NTNG1: variants seen among roughly 807,000 people sequenced by gnomAD.
NTNG1 encodes netrin-G1.
NTNG1 carries 16 observed loss-of-function variants against 54.0 expected under a neutral mutation model. The ratio of observed to expected loss-of-function variants is 0.30; its 90% confidence interval spans 0.20 to 0.45. NTNG1 has a LOEUF of 0.45. NTNG1 is among the 20% of genes least tolerant of loss of function. NTNG1 has a pLI of 1.00. For missense variants in NTNG1, 530 were observed against 678.7 expected (o/e 0.78, Z 2.43); for synonymous variants, 255 against 263.1 (o/e 0.97, Z 0.30).
At chr1:107,427,356 G>A (rs1220009841) in intron 5 of NTNG1, among the ~76,000 whole-genome samples, 1 of 151,936 alleles carries the variant, frequency 6.6e-6, no homozygotes, top group Non-Finnish European at 1.5e-5. Flanking sequence ...GGAGGTCATG[G>A]GAGGTCAGTG....
chr1:107,445,977 G>A (rs1558005977), intron 7 of NTNG1, among the ~76,000 whole-genome samples: 1 of 152,056 alleles, frequency 6.6e-6, no homozygotes, highest in Admixed American at 6.6e-5. Flanking sequence ...CAGGAAGCAG[G>A]CTGGATTTGG....
At position 107,356,219 on chromosome 1, in the gene NTNG1, A is replaced by C. The variant is rs376284669; in HGVS notation, c.887+31297A>C. ...GAAATTTTAATCCGATGCTAAGATTAAAATGATATTGACCTAGAACATACC... is the reference window on the plus strand; with the variant it reads ...GAAATTTTAATCCGATGCTAAGATTCAAATGATATTGACCTAGAACATACC... On this transcript the variant is annotated intron_variant, in intron 3 of 7. Transcript: ENST00000370068. Among the ~76,000 whole-genome samples, 4 of 152,312 alleles carry C rather than the reference A, an allele frequency of 2.6e-5. No homozygotes were observed. The East Asian group carries it at 5.8e-4, about 22-fold the overall frequency.
rs564062072 is a variant in NTNG1, at chr1:107,464,552, G to T, written c.1391-16059G>T. Among the ~76,000 whole-genome samples the T allele has an allele frequency of 2.0e-4, 30 of 152,240 alleles. 1 individual carries two copies. The East Asian group carries it at 4.2e-3, about 22-fold the overall frequency. The stretch of plus-strand genomic sequence containing the variant: ...CAAAGACCTTTAGATTAACCAAGAG[G>T]CTTGCACGGAACAACAAGTGAAAAA... On this transcript the variant is annotated intron_variant, in intron 7 of 7. Coordinates refer to ENST00000370068, the MANE Select transcript of NTNG1 (RefSeq NM_001113226.3).
chr1:107,328,178 A>C (rs1038384960), intron 3 of NTNG1, among the ~76,000 whole-genome samples: 43 of 152,280 alleles, frequency 2.8e-4, no homozygotes, highest in Non-Finnish European at 2.8e-4. Flanking sequence ...TAGTACTTAC[A>C]TTGTTCAATA....
At chr1:107,288,276 A>G (rs1413240506) in intron 2 of NTNG1, among the ~76,000 whole-genome samples, 1 of 152,172 alleles carries the variant, frequency 6.6e-6, no homozygotes, top group Admixed American at 6.6e-5. Flanking sequence ...TTGGAAACAC[A>G]GTGAAATGAT....
intron 2 of NTNG1, among the ~76,000 whole-genome samples, chr1:107,165,123 G>A (rs1259978301): frequency 6.6e-6 from 1 of 152,082 alleles, no homozygotes; most frequent in Non-Finnish European, 1.5e-5. Context: ...AAGTGACCAG[G>A]GGTGACTCAG....
Position 107,304,932 on chromosome 1 carries a change from T to C in NTNG1, c.247-19350T>C, listed in dbSNP as rs138488326. On this transcript the variant is annotated intron_variant, in intron 2 of 7. Coordinates refer to ENST00000370068, the MANE Select transcript of NTNG1 (RefSeq NM_001113226.3). ...CCCTGGTGTATGATATTCCCCTCCC[T>C]GTGTCCATGTGTTCTCATTGTTCAG... Among the ~76,000 whole-genome samples, 681 of 152,296 alleles carry C rather than the reference T, an allele frequency of 4.5e-3. 3 individuals carry two copies. The highest frequency in any genetic ancestry group is 6.5e-3 in the Non-Finnish European group (441 of 68,026).
At chr1:107,232,151 A>G (rs1292872049) in intron 2 of NTNG1, among the ~76,000 whole-genome samples, 1 of 152,218 alleles carries the variant, frequency 6.6e-6, no homozygotes, top group Admixed American at 6.5e-5. Context: ...TTTATTTTCT[A>G]CTTACTAAAA....
At chr1:107,176,426 A>G (rs1656654735) in intron 2 of NTNG1, among the ~76,000 whole-genome samples, 1 of 152,214 alleles carries the variant, frequency 6.6e-6, no homozygotes, top group Non-Finnish European at 1.5e-5. Context: ...ATTAATCTTT[A>G]TAAATAACTC....
chr1:107,188,502 AT>A lies in NTNG1; in HGVS notation c.246+39669del, dbSNP rs548022235. ...TCTCACTGAAAGCTCCAGAATCCAG[AT>A]TTTTTAAAGTGCACATGTAATTAAT... On this transcript the variant is annotated intron_variant, in intron 2 of 7. Coordinates refer to ENST00000370068, the MANE Select transcript of NTNG1 (RefSeq NM_001113226.3). 9.2e-5 allele frequency among the ~76,000 whole-genome samples: 14 copies of A among 152,290 alleles called. No individual in the cohort carries two copies. The South Asian group carries it at 1.2e-3, about 14-fold the overall frequency.
At chr1:107,341,819 T>C (rs1379715950) in intron 3 of NTNG1, among the ~76,000 whole-genome samples, 2 of 152,128 alleles carry the variant, frequency 1.3e-5, no homozygotes, top group African/African-American at 2.4e-5. Flanking sequence ...CTATTTCTCT[T>C]CTGGCTTCAG....
Position 107,436,799 on chromosome 1 carries a change from C to G in NTNG1, c.1390C>G (p.Pro464Ala). 1 of 1,613,130 alleles carries G rather than the reference C, an allele frequency of 6.2e-7. No individual in the cohort carries two copies. Among genetic ancestry groups the G allele is most frequent in the Non-Finnish European group, 8.5e-7 (1 of 1,179,412 alleles). ...AAATTCCTGGCACTACGGCTGTCAACGTAAGTAACTCTGGGAGCTGCCCTC... is the reference window on the plus strand; with the variant it reads ...AAATTCCTGGCACTACGGCTGTCAAGGTAAGTAACTCTGGGAGCTGCCCTC... ...PGNSWHYGCQ[P>A]NVCDNELLHC... is the part of the protein sequence containing the mutation. The change falls in exon 7 of 8, where the codon CCG becomes GCG. Residue 464 changes from proline (P) to alanine (A), a missense_variant and splice_region_variant. Transcript: ENST00000370068.
intron 3 of NTNG1, among the ~76,000 whole-genome samples, chr1:107,346,863 G>C (rs1245772027): frequency 7.9e-6 from 1 of 127,384 alleles, no homozygotes; most frequent in Admixed American, 9.7e-5. Context: ...TTTCACCTCT[G>C]CCATGATCTC....
At chr1:107,376,399 C>T (rs1380688383) in intron 3 of NTNG1, among the ~76,000 whole-genome samples, 1 of 143,422 alleles carries the variant, frequency 7.0e-6, no homozygotes, top group Non-Finnish European at 1.5e-5. Context: ...CAGAGTGAGA[C>T]TCCGTCTCAA....
In NTNG1 at chr1:107,235,501, G is replaced by T. The variant is rs560080037; in HGVS notation, c.246+86662G>T. Among the ~76,000 whole-genome samples, 227 of 152,256 alleles carry T rather than the reference G, an allele frequency of 1.5e-3. 1 individual carries two copies. The highest frequency in any genetic ancestry group is 5.3e-3 in the African/African-American group (222 of 41,550). On this transcript the variant is annotated intron_variant, in intron 2 of 7. Coordinates refer to ENST00000370068, the MANE Select transcript of NTNG1 (RefSeq NM_001113226.3). The stretch of plus-strand genomic sequence containing the variant: ...TGTTATGGATGTGAAAAATGCCAGG[G>T]AACCTCAGCCTCTGGTCCCCACACT...
intron 2 of NTNG1, among the ~76,000 whole-genome samples, chr1:107,152,571 AC>A (rs1438909590): frequency 6.6e-6 from 1 of 152,214 alleles, no homozygotes; most frequent in African/African-American, 2.4e-5. Flanking sequence ...GAGCCTACAG[AC>A]GGAAGAACTC....
intron 7 of NTNG1, among the ~76,000 whole-genome samples, chr1:107,470,325 A>T (rs969501375): frequency 6.6e-6 from 1 of 152,356 alleles, no homozygotes; most frequent in African/African-American, 2.4e-5. Context: ...TATTTTATTA[A>T]CATTTTTAAT....
At chr1:107,183,565 A>G (rs1657227922) in intron 2 of NTNG1, among the ~76,000 whole-genome samples, 1 of 152,054 alleles carries the variant, frequency 6.6e-6, no homozygotes, top group Non-Finnish European at 1.5e-5. Flanking sequence ...GGCAGCTTAT[A>G]TTTGGTTGTA....
chr1:107,353,312 C>T (rs1436316328), intron 3 of NTNG1, among the ~76,000 whole-genome samples: 1 of 152,144 alleles, frequency 6.6e-6, no homozygotes, highest in Non-Finnish European at 1.5e-5. Flanking sequence ...ATTTTGAATG[C>T]TTTGCTGCTT....
Sources: gnomAD v4.1 joint callset for allele counts (sites outside exome capture counted in the v4.1 genomes callset) on GRCh38, gnomAD v4.1.1 for gene constraint, MANE v1.5 for transcripts, NCBI Gene and HGNC (gene_info 2026-07-23, HGNC 2026-07-21) for gene names.